The following ARHGAP44 variants were observed in gnomAD, a reference collection of about 807,000 sequenced individuals.
ARHGAP44 encodes the protein rho GTPase-activating protein 44.
A neutral mutation model predicts 106.8 loss-of-function variants in ARHGAP44; 43 were observed. The ratio of observed to expected loss-of-function variants is 0.40; its 90% CI spans 0.32 to 0.52. The LOEUF (loss-of-function observed/expected upper bound fraction) is 0.52. Among genes scored for constraint, ARHGAP44 ranks in the 20% least tolerant of loss-of-function variants. The probability of loss-of-function intolerance (pLI) is 0.48; values close to 1 mark genes in which losing one functional copy is unlikely to be tolerated. For synonymous variants in ARHGAP44, 439 were observed against 410.3 expected (o/e 1.07, Z -0.85); for missense variants, 866 against 1,050.5 (o/e 0.82, Z 2.43).
At chr17:12,975,820 A>T (rs7502636) in intron 18 of ARHGAP44, among the ~76,000 whole-genome samples, 74,468 of 134,552 alleles carry the variant, frequency 0.55, 20,945 homozygotes, top group East Asian at 0.88. Context: ...AAAAAAAAGA[A>T]AAAAAGACAT....
intron 1 of ARHGAP44, among the ~76,000 whole-genome samples, chr17:12,843,402 A>G (rs1479391676): frequency 7.0e-6 from 1 of 143,152 alleles, no homozygotes; most frequent in East Asian, 2.1e-4. Flanking sequence ...CTGTTCATTC[A>G]TTGTAAGCAT....
At chr17:12,825,263 C>T (rs1275067099) in intron 1 of ARHGAP44, among the ~76,000 whole-genome samples, 1 of 152,040 alleles carries the variant, frequency 6.6e-6, no homozygotes, top group Admixed American at 6.6e-5. Context: ...GTCTCGATCT[C>T]CTGGACTCAA....
At chr17:12,956,114 G>A (rs966814943) in intron 14 of ARHGAP44, 134 bp downstream of exon 14, 2 of 636,834 alleles carry the variant, frequency 3.1e-6, no homozygotes, top group African/African-American at 3.7e-5. Flanking sequence ...TTGTTGGCCT[G>A]CTCCTCTTTT....
intron 1 of ARHGAP44, among the ~76,000 whole-genome samples, chr17:12,884,235 T>G (rs182211750): frequency 5.9e-5 from 9 of 152,308 alleles, no homozygotes; most frequent in Non-Finnish European, 8.8e-5. Context: ...ATTTAGTTTA[T>G]GTATGTTTTG....
intron 6 of ARHGAP44, among the ~76,000 whole-genome samples, chr17:12,922,470 CATT>C: frequency 6.6e-6 from 1 of 152,230 alleles, no homozygotes; most frequent in East Asian, 1.9e-4. Context: ...CAGATTGCCC[CATT>C]GTTTTCATGA....
intron 1 of ARHGAP44, among the ~76,000 whole-genome samples, chr17:12,816,259 T>C (rs1354344392): frequency 1.3e-5 from 2 of 152,164 alleles, no homozygotes; most frequent in Non-Finnish European, 2.9e-5. Flanking sequence ...CTCAGCACTC[T>C]TCTTTTATTC....
chr17:12,841,660 C>T lies in ARHGAP44; in HGVS notation c.53+51769C>T, dbSNP rs200674926. 2.1e-5 allele frequency among the ~76,000 whole-genome samples: 3 copies of T among 145,468 alleles called. No individual in the cohort carries two copies. In the East Asian group the frequency reaches 6.0e-4, roughly 29 times the overall value. On this transcript the variant is annotated intron_variant, in intron 1 of 20. Coordinates refer to ENST00000379672, the MANE Select transcript of ARHGAP44 (RefSeq NM_014859.6). Reference sequence around the variant, plus strand: ...CACACAAACAAACAAACAAAAACCACACAACCAAAACAGTCTTTGGAGGGA... The same window carrying T: ...CACACAAACAAACAAACAAAAACCATACAACCAAAACAGTCTTTGGAGGGA...
In ARHGAP44 at chr17:12,990,361, T is replaced by C; in HGVS notation, c.*190T>C. 2.7e-6 allele frequency: 2 copies of C among 731,846 alleles called. No homozygotes were observed. The highest frequency in any genetic ancestry group is 4.3e-6 in the Non-Finnish European group (2 of 468,674). The allele number at this position is 731,846 out of a possible 1,614,324, so 45.3% of individuals were successfully genotyped here. A position where few individuals can be genotyped will look rare whatever the true frequency, so the allele number is the denominator to read the frequency against. The stretch of plus-strand genomic sequence containing the variant: ...GGTGATGCTGGTGGTGCAGGTTTTG[T>C]TTGTTCCTTTCGGGTGGTGACTTCG... On this transcript the variant is annotated 3_prime_UTR_variant, in exon 21 of 21. Transcript: ENST00000379672.
At chr17:12,913,705 C>T (rs1347524128) in intron 4 of ARHGAP44, among the ~76,000 whole-genome samples, 2 of 110,760 alleles carry the variant, frequency 1.8e-5, no homozygotes, top group Admixed American at 7.9e-5. Flanking sequence ...CCTGGGCTCA[C>T]GCCTGTAATC....
intron 10 of ARHGAP44, among the ~76,000 whole-genome samples, chr17:12,946,920 C>G (rs1269577670): frequency 1.3e-5 from 2 of 152,180 alleles, no homozygotes; most frequent in East Asian, 1.9e-4. Flanking sequence ...CAGCTCCCGT[C>G]TCTGCCCTTT....
At chr17:12,974,712 T>A (rs1015210210) in intron 18 of ARHGAP44, among the ~76,000 whole-genome samples, 4 of 149,988 alleles carry the variant, frequency 2.7e-5, no homozygotes, top group Non-Finnish European at 4.4e-5. Context: ...TATACTGTTA[T>A]TTTTTCTTAT....
intron 20 of ARHGAP44, chr17:12,986,263 G>GC (rs2039953622): frequency 6.6e-6 from 1 of 152,164 alleles, no homozygotes; most frequent in Non-Finnish European, 1.5e-5. Flanking sequence ...ATCTTGGTGG[G>GC]TCTTGGTGCT....
At chr17:12,812,002 A>G (rs2034454131) in intron 1 of ARHGAP44, among the ~76,000 whole-genome samples, 1 of 152,188 alleles carries the variant, frequency 6.6e-6, no homozygotes, top group Non-Finnish European at 1.5e-5. Context: ...TCAGGACACC[A>G]TAACTTCTGG....
chr17:12,957,334 G>C (rs924254300), intron 15 of ARHGAP44, among the ~76,000 whole-genome samples: 5 of 152,140 alleles, frequency 3.3e-5, no homozygotes, highest in African/African-American at 1.2e-4. Flanking sequence ...GGATTTTACT[G>C]GTCTAATATC....
chr17:12,903,158 T>A (rs867747465), intron 3 of ARHGAP44, among the ~76,000 whole-genome samples: 67 of 146,448 alleles, frequency 4.6e-4, no homozygotes, highest in African/African-American at 1.5e-3. Context: ...TGTGTGTGTG[T>A]GTGTGTGTGT....
rs141837587 is a variant in ARHGAP44 at position 12,913,861 on chromosome 17, C to A, written c.276-2039C>A. On this transcript the variant is annotated intron_variant, in intron 4 of 20. Transcript: ENST00000379672. Reference sequence around the variant, plus strand: ...GTGCACACCTGTAATCCCAGCCACTCGGGAGGCTGAAGCAAGAGAATTGCT... The same window carrying A: ...GTGCACACCTGTAATCCCAGCCACTAGGGAGGCTGAAGCAAGAGAATTGCT... Among the ~76,000 whole-genome samples, 32 of 147,512 alleles carry A rather than the reference C, an allele frequency of 2.2e-4. No homozygotes were observed. The Middle Eastern group carries it at 0.015, about 71-fold the overall frequency.
chr17:12,906,283 T>C (rs966950745), intron 3 of ARHGAP44, among the ~76,000 whole-genome samples: 2 of 152,152 alleles, frequency 1.3e-5, no homozygotes, highest in Non-Finnish European at 2.9e-5. Context: ...CACCAAGCAG[T>C]TCCCCAACTC....
chr17:12,811,783 T>C (rs2034448403), intron 1 of ARHGAP44, among the ~76,000 whole-genome samples: 2 of 152,304 alleles, frequency 1.3e-5, no homozygotes, highest in Admixed American at 6.5e-5. Flanking sequence ...TCCTTAGTTT[T>C]GTTTGGCTTA....
chr17:12,935,297 G>C (rs1411038341), intron 7 of ARHGAP44, among the ~76,000 whole-genome samples: 7 of 152,192 alleles, frequency 4.6e-5, no homozygotes, highest in Admixed American at 1.3e-4. Flanking sequence ...ATATGGGCCG[G>C]GTGCGGTGGC....
Sources: allele counts gnomAD v4.1 joint callset (sites outside exome capture counted in the v4.1 genomes callset), GRCh38; gene constraint gnomAD v4.1.1; transcripts MANE v1.5; gene names NCBI Gene and HGNC (gene_info 2026-07-23, HGNC 2026-07-21).